The following EPHB1 variants were observed in gnomAD, a reference collection of about 807,000 sequenced individuals.
The protein encoded by EPHB1 is ephrin type-B receptor 1.
In EPHB1, 30 loss-of-function variants were observed where a neutral mutation model predicts 94.4. The observed-to-expected ratio is 0.32, with a 90% CI of 0.24 to 0.43. The LOEUF (loss-of-function observed/expected upper bound fraction) is 0.43, where lower values mean the gene tolerates loss of function less well. EPHB1 is among the 20% of genes least tolerant of loss of function. The pLI is 1.00. For synonymous variants in EPHB1, 522 were observed against 489.1 expected (o/e 1.07, Z -0.89); for missense variants, 1,055 against 1,308.3 (o/e 0.81, Z 2.99).
chr3:134,798,951 G>A (rs1340277873), intron 1 of EPHB1, among the ~76,000 whole-genome samples: 1 of 152,232 alleles, frequency 6.6e-6, no homozygotes, highest in African/African-American at 2.4e-5. Context: ...ACTGGCTGAT[G>A]GGAATACTCC....
intron 3 of EPHB1, among the ~76,000 whole-genome samples, chr3:135,030,948 G>A (rs981299932): frequency 4.6e-5 from 7 of 152,176 alleles, no homozygotes; most frequent in Admixed American, 2.0e-4. Context: ...TAAGCCCGTC[G>A]GAAAAGCGCA....
intron 3 of EPHB1, among the ~76,000 whole-genome samples, chr3:134,968,118 G>C (rs1196094534): frequency 6.6e-6 from 1 of 152,194 alleles, no homozygotes; most frequent in African/African-American, 2.4e-5. Flanking sequence ...TTGAATCCTG[G>C]CTCTGTGTTT....
intron 1 of EPHB1, among the ~76,000 whole-genome samples, chr3:134,906,143 A>G (rs910599419): frequency 6.6e-6 from 1 of 152,136 alleles, no homozygotes; most frequent in Admixed American, 6.5e-5. Context: ...ATTAATGGCA[A>G]ATGAGGCCTG....
chr3:134,831,510 A>T (rs1423039224), intron 1 of EPHB1, among the ~76,000 whole-genome samples: 1 of 152,226 alleles, frequency 6.6e-6, no homozygotes, highest in Non-Finnish European at 1.5e-5. Flanking sequence ...AAGTAATAGA[A>T]GTTTGCTTCT....
intron 3 of EPHB1, among the ~76,000 whole-genome samples, chr3:134,958,606 C>G (rs1294683066): frequency 6.6e-6 from 1 of 152,126 alleles, no homozygotes; most frequent in Non-Finnish European, 1.5e-5. Flanking sequence ...CAGGGGAGGC[C>G]AGGGTCATTA....
intron 3 of EPHB1, among the ~76,000 whole-genome samples, chr3:134,990,389 TTTTG>T (rs1490315773): frequency 3.9e-5 from 6 of 152,312 alleles, no homozygotes; most frequent in African/African-American, 9.6e-5. Flanking sequence ...TGAATATCTT[TTTTG>T]TTTGTTTGTT....
intron 15 of EPHB1, among the ~76,000 whole-genome samples, chr3:135,253,739 A>G (rs1436885602): frequency 1.3e-5 from 2 of 150,182 alleles, no homozygotes; most frequent in East Asian, 3.9e-4. Context: ...GTTTTTTCCA[A>G]TTCTGTGAAG....
intron 3 of EPHB1, among the ~76,000 whole-genome samples, chr3:135,101,852 A>G (rs1172115014): frequency 2.0e-5 from 3 of 152,202 alleles, no homozygotes; most frequent in African/African-American, 4.8e-5. Flanking sequence ...CAAAAGGTGT[A>G]CATCCATCCA....
intron 12 of EPHB1, among the ~76,000 whole-genome samples, chr3:135,230,607 G>T (rs1271647809): frequency 6.6e-6 from 1 of 151,988 alleles, no homozygotes; most frequent in Non-Finnish European, 1.5e-5. Flanking sequence ...AATAATTTTG[G>T]CTTTTACTTT....
In EPHB1 at chr3:135,076,872, C is replaced by T. The variant is rs1454830684; in HGVS notation, c.806-29576C>T. Among the ~76,000 whole-genome samples, 4 of 152,026 alleles carry T rather than the reference C, an allele frequency of 2.6e-5. No homozygotes were observed. The East Asian group carries it at 7.7e-4, about 29-fold the overall frequency. On this transcript the variant is annotated intron_variant, in intron 3 of 15. Coordinates refer to ENST00000398015, the MANE Select transcript of EPHB1 (RefSeq NM_004441.5). Reference sequence around the variant, plus strand: ...AATGTTGAATGAGTCCTAGAAATGTCCAGAAATGACAAATCCACAGAAACA... The same window carrying T: ...AATGTTGAATGAGTCCTAGAAATGTTCAGAAATGACAAATCCACAGAAACA...
intron 1 of EPHB1, among the ~76,000 whole-genome samples, chr3:134,859,323 A>T (rs1057511371): frequency 6.6e-6 from 1 of 152,218 alleles, no homozygotes; most frequent in African/African-American, 2.4e-5. Flanking sequence ...GTTAATCAGG[A>T]GGATTAAGGG....
chr3:134,846,967 T>TGGC (rs1443573076), intron 1 of EPHB1, among the ~76,000 whole-genome samples: 3 of 152,194 alleles, frequency 2.0e-5, no homozygotes, highest in Admixed American at 1.3e-4. Flanking sequence ...TTTCCTTCGG[T>TGGC]GGCGGGAGAT....
Position 135,010,236 on chromosome 3 carries a change from T to G in EPHB1, c.805+58184T>G, listed in dbSNP as rs528432410. Among the ~76,000 whole-genome samples the G allele has an allele frequency of 5.3e-5, 8 of 152,334 alleles. No individual in the cohort carries two copies. The East Asian group carries it at 1.3e-3, about 26-fold the overall frequency. On this transcript the variant is annotated intron_variant, in intron 3 of 15. Transcript: ENST00000398015. Reference sequence around the variant, plus strand: ...TTGGGTAGAGTAAAGATGAGATTTATTCACATTTTAAAAATTTCACAGTAT... The same window carrying G: ...TTGGGTAGAGTAAAGATGAGATTTAGTCACATTTTAAAAATTTCACAGTAT...
At chr3:134,813,997 C>G (rs2036222119) in intron 1 of EPHB1, among the ~76,000 whole-genome samples, 1 of 152,208 alleles carries the variant, frequency 6.6e-6, no homozygotes, top group Non-Finnish European at 1.5e-5. Context: ...CTGAGACTCC[C>G]TGAGGGCCCC....
At chr3:135,074,722 G>C (rs756172167) in intron 3 of EPHB1, among the ~76,000 whole-genome samples, 2 of 152,196 alleles carry the variant, frequency 1.3e-5, no homozygotes, top group Non-Finnish European at 2.9e-5. Context: ...CTGGGCCTCA[G>C]TTTCCCCATA....
chr3:134,977,018 ATTCTGAAAT>A (rs1342947060), intron 3 of EPHB1, among the ~76,000 whole-genome samples: 1 of 152,250 alleles, frequency 6.6e-6, no homozygotes, highest in Non-Finnish European at 1.5e-5. Flanking sequence ...CTGAGGAACA[ATTCTGAAAT>A]TTCCTTGAGG....
rs35067883 is a variant in EPHB1 at position 135,260,047 on chromosome 3, GA to G, written c.*937del. On this transcript the variant is annotated 3_prime_UTR_variant, in exon 16 of 16. Transcript: ENST00000398015. ...GAGAGGGAGAAAAATAAAATGAAAG[GA>G]AAAAAAAAAGTTTGCAAATTCAGAC... The G allele has an allele frequency of 5.7e-4, 127 of 224,364 alleles. No homozygotes were observed. The highest frequency in any genetic ancestry group is 5.4e-3 in the South Asian group (29 of 5,366). 13.9% of individuals were successfully genotyped at this position (224,364 alleles called of 1,614,324 possible). A position where few individuals can be genotyped will look rare whatever the true frequency, so the allele number is the denominator to read the frequency against.
intron 1 of EPHB1, among the ~76,000 whole-genome samples, chr3:134,822,662 T>C (rs1455281581): frequency 1.3e-5 from 2 of 152,206 alleles, no homozygotes; most frequent in African/African-American, 2.4e-5. Flanking sequence ...TGCACCAAAG[T>C]GCTTTCTGTT....
At position 135,218,504 on chromosome 3, in the gene EPHB1, C is replaced by G. The variant is rs537926126; in HGVS notation, c.2346+16815C>G. Reference sequence around the variant, plus strand: ...GCCTGAGCCAGCATGTACCCAGGGACTGGAACAAGGAGTGGGTCAGGTTTC... The same window carrying G: ...GCCTGAGCCAGCATGTACCCAGGGAGTGGAACAAGGAGTGGGTCAGGTTTC... On this transcript the variant is annotated intron_variant, in intron 12 of 15. Coordinates refer to ENST00000398015, the MANE Select transcript of EPHB1 (RefSeq NM_004441.5). 1.1e-4 allele frequency among the ~76,000 whole-genome samples: 17 copies of G among 152,324 alleles called. 1 individual carries two copies. In the South Asian group the frequency reaches 3.1e-3, roughly 28 times the overall value.
Sources: gnomAD v4.1 joint callset for allele counts (sites outside exome capture counted in the v4.1 genomes callset) on GRCh38, gnomAD v4.1.1 for gene constraint, MANE v1.5 for transcripts, NCBI Gene and HGNC (gene_info 2026-07-23, HGNC 2026-07-21) for gene names.